Variants in LRCH1 observed in about 807,000 individuals in gnomAD.
LRCH1 encodes leucine-rich repeat and calponin homology domain-containing protein 1.
Under a neutral mutation model 94.9 loss-of-function variants are expected in LRCH1, and 23 were observed. The observed-to-expected ratio is 0.24, with a 90% CI of 0.17 to 0.34. The LOEUF (loss-of-function observed/expected upper bound fraction) is 0.34. Among genes scored for constraint, LRCH1 ranks in the 10% least tolerant of loss-of-function variants. The pLI, the probability that LRCH1 is intolerant of heterozygous loss-of-function variation, is 1.00. For synonymous variants in LRCH1, 364 were observed against 354.9 expected, an observed-to-expected ratio of 1.03 and a Z score of -0.29; for missense variants, 790 against 945.9, an observed-to-expected ratio of 0.84 and a Z score of 2.16.
At chr13:46,752,820 G>A (rs1874196695) in exon 19 of LRCH1, 1 of 151,840 alleles carries the variant, frequency 6.6e-6, no homozygotes, top group African/African-American at 2.4e-5. Flanking sequence ...CTTGAAGTTG[G>A]TTGTGTAATG....
chr13:46,635,887 C>G (rs9943964), intron 1 of LRCH1, among the ~76,000 whole-genome samples: 7,380 of 152,026 alleles, frequency 0.049, 600 homozygotes, highest in African/African-American at 0.17. Context: ...CTGATTTCTT[C>G]CCCCATACCA....
chr13:46,623,468 T>C (rs2050904456), intron 1 of LRCH1, among the ~76,000 whole-genome samples: 1 of 152,170 alleles, frequency 6.6e-6, no homozygotes, highest in Non-Finnish European at 1.5e-5. Context: ...TTAGTACCAG[T>C]AAGGCAAAGT....
At chr13:46,701,650 A>G (rs1447425887) in intron 11 of LRCH1, among the ~76,000 whole-genome samples, 2 of 152,256 alleles carry the variant, frequency 1.3e-5, no homozygotes, top group Non-Finnish European at 2.9e-5. Flanking sequence ...TGAAGAATAT[A>G]TTTCTAAAGA....
chr13:46,567,492 T>TTGTGTGTGTGTGTGTG (rs35848521), intron 1 of LRCH1, among the ~76,000 whole-genome samples: 1,844 of 141,904 alleles, frequency 0.013, 29 homozygotes, highest in African/African-American at 0.033. Context: ...TAAGGCAATT[T>TTGTGTGTGTGTGTGTG]TGTGTGTGTG....
downstream of LRCH1, among the ~76,000 whole-genome samples, chr13:46,745,234 G>A (rs1363873960): frequency 6.6e-6 from 1 of 151,924 alleles, no homozygotes; most frequent in Non-Finnish European, 1.5e-5. Flanking sequence ...GTGTGGCTGT[G>A]TGCCAATAAA....
chr13:46,602,978 G>GCATGCATGCATACATA lies in LRCH1; in HGVS notation c.308-47220_308-47219insGCATGCATACATACAT, dbSNP rs142972823. Among the ~76,000 whole-genome samples the GCATGCATGCATACATA allele has an allele frequency of 3.0e-4, 45 of 149,932 alleles. No individual in the cohort carries two copies. In the East Asian group the frequency reaches 4.4e-3, roughly 15 times the overall value. ...TACATACATGCATACATACATGCAT[G>GCATGCATGCATACATA]CATACATACATACATACATACATAC... On this transcript the variant is annotated intron_variant, in intron 1 of 19. Transcript: ENST00000389797.
intron 9 of LRCH1, among the ~76,000 whole-genome samples, chr13:46,697,921 A>G (rs564916369): frequency 1.3e-5 from 2 of 152,364 alleles, no homozygotes; most frequent in Non-Finnish European, 2.9e-5. Flanking sequence ...TAGTTGTGAA[A>G]CAAAAAAATA....
chr13:46,684,641 T>C (rs933572261), intron 4 of LRCH1, among the ~76,000 whole-genome samples: 2 of 152,198 alleles, frequency 1.3e-5, no homozygotes, highest in Admixed American at 6.5e-5. Context: ...ATAATTCTTA[T>C]CATCTTACAA....
chr13:46,645,369 G>A (rs868273808), intron 1 of LRCH1, among the ~76,000 whole-genome samples: 18 of 152,104 alleles, frequency 1.2e-4, no homozygotes, highest in African/African-American at 4.3e-4. Flanking sequence ...ACAGTGAAAT[G>A]TCAAATTCAT....
intron 2 of LRCH1, among the ~76,000 whole-genome samples, chr13:46,661,586 A>G (rs1033955813): frequency 2.6e-5 from 4 of 152,236 alleles, no homozygotes; most frequent in Admixed American, 6.5e-5. Flanking sequence ...TAAAAATGTT[A>G]GAACACTAAA....
chr13:46,610,511 A>T (rs546850697), intron 1 of LRCH1, among the ~76,000 whole-genome samples: 16 of 148,396 alleles, frequency 1.1e-4, no homozygotes, highest in African/African-American at 4.0e-4. Flanking sequence ...TAATTTCAGT[A>T]GGTTTTTGGG....
chr13:46,697,954 A>G (rs1871280911), intron 9 of LRCH1, among the ~76,000 whole-genome samples: 1 of 152,238 alleles, frequency 6.6e-6, no homozygotes, highest in African/African-American at 2.4e-5. Context: ...CTTTGCTTCT[A>G]TCATTGAAAC....
At chr13:46,704,952 T>A (rs1455248514) in intron 11 of LRCH1, 116 bp from the exon 12 acceptor site, 3 of 580,174 alleles carry the variant, frequency 5.2e-6, no homozygotes, top group African/African-American at 3.9e-5. Flanking sequence ...CACTTAATCC[T>A]AAAGATAAAC....
At chr13:46,570,601 G>A (rs28711531) in intron 1 of LRCH1, among the ~76,000 whole-genome samples, 5,267 of 152,130 alleles carry the variant, frequency 0.035, 294 homozygotes, top group African/African-American at 0.12. Flanking sequence ...TGGATATTAG[G>A]GAAACTTTTC....
At chr13:46,595,989 A>T (rs1246044787) in intron 1 of LRCH1, among the ~76,000 whole-genome samples, 1 of 152,200 alleles carries the variant, frequency 6.6e-6, no homozygotes, top group Admixed American at 6.5e-5. Flanking sequence ...AAGGTGTAAA[A>T]GTGTTTTTAG....
intron 1 of LRCH1, among the ~76,000 whole-genome samples, chr13:46,560,709 CAG>C (rs1422050149): frequency 6.6e-6 from 1 of 151,922 alleles, no homozygotes; most frequent in African/African-American, 2.4e-5. Flanking sequence ...CATGATATTT[CAG>C]AGAGTAAGAA....
At chr13:46,722,447 G>A (rs1390351174) in intron 16 of LRCH1, among the ~76,000 whole-genome samples, 2 of 152,174 alleles carry the variant, frequency 1.3e-5, no homozygotes, top group East Asian at 1.9e-4. Flanking sequence ...GTCATTCTCC[G>A]ATGCATAGAA....
At chr13:46,674,245 T>C (rs2051641690) in intron 3 of LRCH1, among the ~76,000 whole-genome samples, 1 of 152,256 alleles carries the variant, frequency 6.6e-6, no homozygotes. Flanking sequence ...TGGTATCTTA[T>C]CTTTCTAAAT....
chr13:46,593,465 C>T (rs2050524784), intron 1 of LRCH1, among the ~76,000 whole-genome samples: 1 of 152,132 alleles, frequency 6.6e-6, no homozygotes, highest in South Asian at 2.1e-4. Flanking sequence ...AGAGCCTACA[C>T]AGAGAGACAC....
Sources: gnomAD v4.1 joint callset for allele counts (sites outside exome capture counted in the v4.1 genomes callset) on GRCh38, gnomAD v4.1.1 for gene constraint, MANE v1.5 for transcripts, NCBI Gene and HGNC (gene_info 2026-07-23, HGNC 2026-07-21) for gene names.